Variants in ZIM2 observed in about 807,000 individuals in gnomAD.
The protein encoded by ZIM2 is zinc finger protein 656.
ZIM2 carries 14 observed loss-of-function variants against 38.6 expected under a neutral mutation model. That is an observed-to-expected ratio of 0.36 (90% CI 0.24 to 0.57). ZIM2 has a LOEUF of 0.57. Among genes scored for constraint, ZIM2 ranks in the 20% least tolerant of loss-of-function variants. The pLI, the probability that ZIM2 is intolerant of heterozygous loss-of-function variation, is 0.81. For synonymous variants in ZIM2, 247 were observed against 245.8 expected (o/e 1.00, Z -0.04); for missense variants, 680 against 695.1 (o/e 0.98, Z 0.24).
rs111379886 is a variant in ZIM2, at chr19:56,816,266, C to T, written c.490+1480G>A. 5.0e-4 allele frequency: 805 copies of T among 1,613,888 alleles called. 3 individuals carry two copies. The African/African-American group carries it at 8.8e-3, about 18-fold the overall frequency. ...CTCTTCTGAGATTCAGTGAATGGCC[C>T]ACTATGAATGACAGATTTCTCATAC... On this transcript the variant is annotated intron_variant, in intron 9 of 12. Coordinates refer to ENST00000629319, the MANE Select transcript of ZIM2 (RefSeq NM_001387356.1).
In ZIM2 at chr19:56,818,722, C is replaced by T; in HGVS notation, c.295-20G>A. On this transcript the variant is annotated intron_variant, in intron 7 of 12. Transcript: ENST00000629319. The stretch of plus-strand genomic sequence containing the variant: ...AGCATCCTAAAACAGCAAACACAGA[C>T]CTCTCAATGGAGTCTGTCCCCACCG... 1.9e-6 allele frequency: 3 copies of T among 1,612,918 alleles called. No homozygotes were observed. The highest frequency in any genetic ancestry group is 1.7e-6 in the Non-Finnish European group (2 of 1,179,010).
intron 9 of ZIM2, among the ~76,000 whole-genome samples, chr19:56,801,030 G>T (rs987596623): frequency 2.7e-5 from 4 of 150,838 alleles, no homozygotes; most frequent in African/African-American, 9.8e-5. Flanking sequence ...CCGCCTCCCA[G>T]GTTCAAGCAA....
chr19:56,781,817 A>G (rs2046345849), intron 11 of ZIM2, 136 bp downstream of exon 11: 1 of 1,094,060 alleles, frequency 9.1e-7, no homozygotes, highest in Non-Finnish European at 1.3e-6. Flanking sequence ...ATATTCAAAT[A>G]TTAAAATATT....
intron 12 of ZIM2, among the ~76,000 whole-genome samples, chr19:56,778,402 G>C (rs1010417708): frequency 1.3e-5 from 2 of 152,206 alleles, no homozygotes; most frequent in African/African-American, 4.8e-5. Flanking sequence ...AGACAAACGT[G>C]GAGGAGGGCT....
intron 9 of ZIM2, chr19:56,816,117 C>G: frequency 6.2e-7 from 1 of 1,613,014 alleles, no homozygotes; most frequent in East Asian, 2.2e-5. Context: ...TAACAGACCT[C>G]TCATATGATT....
chr19:56,838,366 G>A (rs1364654440), intron 1 of ZIM2, among the ~76,000 whole-genome samples: 1 of 152,200 alleles, frequency 6.6e-6, no homozygotes, highest in Non-Finnish European at 1.5e-5. Flanking sequence ...GCGCCACCCT[G>A]TGGCTAGCAC....
At chr19:56,810,776 A>C (rs2048090794) in intron 9 of ZIM2, 1 of 980,556 alleles carries the variant, frequency 1.0e-6, no homozygotes, top group African/African-American at 1.8e-5. Context: ...GATAGAGGAA[A>C]CAGATCAAGA....
At chr19:56,782,529 A>G in intron 10 of ZIM2, 2 of 440,006 alleles carry the variant, frequency 4.5e-6, no homozygotes, top group Admixed American at 5.3e-5. Context: ...ATAAACAAGG[A>G]GATGAAAATC....
chr19:56,807,170 T>C (rs1404857611), intron 9 of ZIM2, among the ~76,000 whole-genome samples: 1 of 152,148 alleles, frequency 6.6e-6, no homozygotes, highest in Non-Finnish European at 1.5e-5. Flanking sequence ...AGACCTTGCA[T>C]GGAGAAGAGA....
intron 12 of ZIM2, among the ~76,000 whole-genome samples, chr19:56,776,100 C>CAAAAA (rs56776253): frequency 9.4e-6 from 1 of 106,748 alleles, no homozygotes; most frequent in Non-Finnish European, 1.8e-5. Flanking sequence ...GACTCTGTCT[C>CAAAAA]AAAAAAAAAA....
intron 9 of ZIM2, among the ~76,000 whole-genome samples, chr19:56,808,524 A>T (rs762888958): frequency 6.6e-5 from 10 of 152,138 alleles, no homozygotes; most frequent in Non-Finnish European, 1.5e-4. Flanking sequence ...AGGGCTTGGT[A>T]TGATCAATCA....
chr19:56,811,570 A>T (rs2059544043), intron 9 of ZIM2: 1 of 985,294 alleles, frequency 1.0e-6, no homozygotes, highest in Middle Eastern at 5.2e-4. Context: ...ACCCTGACTT[A>T]CAGCAAGTTG....
intron 1 of ZIM2, among the ~76,000 whole-genome samples, chr19:56,836,969 C>CAAAAAAAAAAAAAAA (rs573566620): frequency 8.5e-6 from 1 of 116,986 alleles, no homozygotes. Flanking sequence ...GACTCTGTCT[C>CAAAAAAAAAAAAAAA]AAAAAAAAAA....
At chr19:56,806,106 A>C (rs995768245) in intron 9 of ZIM2, among the ~76,000 whole-genome samples, 1 of 152,206 alleles carries the variant, frequency 6.6e-6, no homozygotes, top group Non-Finnish European at 1.5e-5. Context: ...GCAAATGACA[A>C]AACAAATAGG....
Position 56,822,753 on chromosome 19 carries a change from T to TGC in ZIM2, c.188_189dup (p.Arg64AlafsTer83). On this transcript the variant is annotated frameshift_variant and splice_region_variant, in exon 6 of 13. Transcript: ENST00000629319. LOFTEE classifies it high-confidence loss of function. ...GGGAAAGAAAGTGGTTAAGACTCAC[T>TGC]GCTTCTTGGGTTCCTGGTGTGGGAC... The TGC allele has an allele frequency of 6.2e-7, 1 of 1,614,078 alleles. No homozygotes were observed. Among genetic ancestry groups the TGC allele is most frequent in the Non-Finnish European group, 8.5e-7 (1 of 1,180,002 alleles).
At chr19:56,804,676 C>T (rs973044789) in intron 9 of ZIM2, among the ~76,000 whole-genome samples, 4 of 152,132 alleles carry the variant, frequency 2.6e-5, no homozygotes, top group African/African-American at 4.8e-5. Context: ...TAGAATGGGA[C>T]AGGCAGAGGG....
At chr19:56,824,751 G>A (rs548648877) in intron 3 of ZIM2, 26 of 1,198,426 alleles carry the variant, frequency 2.2e-5, no homozygotes, top group Middle Eastern at 2.4e-4. Flanking sequence ...CCTGTGGATC[G>A]TAAGGAGATA....
chr19:56,839,315 C>T (rs1294669439), intron 1 of ZIM2, among the ~76,000 whole-genome samples: 1 of 148,940 alleles, frequency 6.7e-6, no homozygotes, highest in African/African-American at 2.5e-5. Context: ...ATATCCAATG[C>T]TACACAGTCA....
At chr19:56,833,052 T>C (rs1404975370) in intron 2 of ZIM2, 1 of 427,498 alleles carries the variant, frequency 2.3e-6, no homozygotes, top group Admixed American at 2.7e-5. Context: ...AGAGAAATGA[T>C]GGGTCAGTGT....
Sources: allele counts gnomAD v4.1 joint callset (sites outside exome capture counted in the v4.1 genomes callset), GRCh38; gene constraint gnomAD v4.1.1; transcripts MANE v1.5; gene names NCBI Gene and HGNC (gene_info 2026-07-23, HGNC 2026-07-21).